PDE4B: variants seen among roughly 807,000 people sequenced by gnomAD.
PDE4B encodes the protein phosphodiesterase 4B.
Under a neutral mutation model 82.2 loss-of-function variants are expected in PDE4B, and 20 were observed. The observed-to-expected ratio is 0.24, with a 90% CI of 0.17 to 0.35. PDE4B has a LOEUF of 0.35. Ranked by LOEUF, PDE4B falls within the 10% of genes least tolerant of loss-of-function variation. The pLI is 1.00. For synonymous variants in PDE4B, 320 were observed against 318.9 expected, an observed-to-expected ratio of 1.00 and a Z score of -0.04; for missense variants, 655 against 907.2, an observed-to-expected ratio of 0.72 and a Z score of 3.57.
intron 4 of PDE4B, among the ~76,000 whole-genome samples, chr1:66,250,577 G>A (rs549132331): frequency 6.6e-6 from 1 of 152,314 alleles, no homozygotes; most frequent in Non-Finnish European, 1.5e-5. Flanking sequence ...TTATAGTGAA[G>A]TAAAGCAAGA....
At chr1:66,072,425 T>C (rs1302164455) in intron 3 of PDE4B, among the ~76,000 whole-genome samples, 1 of 152,168 alleles carries the variant, frequency 6.6e-6, no homozygotes, top group Non-Finnish European at 1.5e-5. Context: ...GATATTTCCT[T>C]ATAATTTCTC....
At chr1:66,037,742 T>A (rs181698075) in intron 3 of PDE4B, among the ~76,000 whole-genome samples, 97 of 152,296 alleles carry the variant, frequency 6.4e-4, no homozygotes, top group Middle Eastern at 3.4e-3. Flanking sequence ...AATATGATGT[T>A]AGGTGTGAAT....
intron 3 of PDE4B, among the ~76,000 whole-genome samples, chr1:66,091,543 T>G (rs1645025396): frequency 6.6e-6 from 1 of 152,108 alleles, no homozygotes; most frequent in African/African-American, 2.4e-5. Context: ...TGCCTGATCT[T>G]AATTTGATTT....
chr1:66,332,724 T>G, intron 8 of PDE4B, 104 bp downstream of exon 8: 1 of 848,870 alleles, frequency 1.2e-6, no homozygotes, highest in Non-Finnish European at 1.8e-6. Flanking sequence ...CTACCAACTC[T>G]AAGAATATGT....
intron 7 of PDE4B, among the ~76,000 whole-genome samples, chr1:66,276,873 A>C (rs752773399): frequency 6.6e-5 from 10 of 152,222 alleles, no homozygotes; most frequent in Non-Finnish European, 1.3e-4. Flanking sequence ...AATGGGAATA[A>C]TACTAGTACT....
chr1:66,247,397 T>G, intron 3 of PDE4B, 63 bp from the exon 4 acceptor site: 3 of 1,159,478 alleles, frequency 2.6e-6, no homozygotes, highest in Non-Finnish European at 3.7e-6. Context: ...TGGTTCTCAG[T>G]GTATACTATG....
intron 3 of PDE4B, among the ~76,000 whole-genome samples, chr1:66,057,032 C>T (rs1003706676): frequency 5.3e-5 from 8 of 152,046 alleles, no homozygotes; most frequent in South Asian, 2.1e-4. Flanking sequence ...AATATATTTT[C>T]GTTGTTTTGA....
chr1:65,904,694 A>G (rs1388673626), intron 1 of PDE4B, among the ~76,000 whole-genome samples: 1 of 152,058 alleles, frequency 6.6e-6, no homozygotes, highest in African/African-American at 2.4e-5. Context: ...AGCAGACGTA[A>G]TGGTTAATTT....
chr1:65,953,885 A>C (rs1649126256), intron 3 of PDE4B, among the ~76,000 whole-genome samples: 1 of 151,992 alleles, frequency 6.6e-6, no homozygotes, highest in Non-Finnish European at 1.5e-5. Context: ...GAATAAAATA[A>C]AGATACAATT....
intron 3 of PDE4B, among the ~76,000 whole-genome samples, chr1:66,114,181 G>C (rs890886380): frequency 6.6e-6 from 1 of 152,136 alleles, no homozygotes; most frequent in Non-Finnish European, 1.5e-5. Context: ...CTATGAACCA[G>C]AAAGCAGGCC....
intron 3 of PDE4B, among the ~76,000 whole-genome samples, chr1:66,001,370 G>A (rs1296066607): frequency 1.3e-5 from 2 of 152,112 alleles, no homozygotes; most frequent in Non-Finnish European, 2.9e-5. Context: ...AGCACATTTC[G>A]ATGGAGAGCA....
intron 3 of PDE4B, among the ~76,000 whole-genome samples, chr1:65,995,561 G>T (rs766187193): frequency 6.6e-5 from 10 of 152,082 alleles, no homozygotes; most frequent in Non-Finnish European, 1.2e-4. Flanking sequence ...CTGTCTCTAA[G>T]ACTCGTGAGA....
Position 66,105,256 on chromosome 1 carries a change from G to A in PDE4B, c.282-142204G>A, listed in dbSNP as rs189971495. On this transcript the variant is annotated intron_variant, in intron 3 of 16. Coordinates refer to ENST00000341517, the MANE Select transcript of PDE4B (RefSeq NM_002600.4). ...TCAAAGATCAGATAGTTGTAGATATGTGGCATCATTTCTGAGGGCTCTGTT... is the reference window on the plus strand; with the variant it reads ...TCAAAGATCAGATAGTTGTAGATATATGGCATCATTTCTGAGGGCTCTGTT... Among the ~76,000 whole-genome samples the A allele has an allele frequency of 9.5e-5, 14 of 148,016 alleles. No homozygotes were observed. The East Asian group carries it at 2.4e-3, about 25-fold the overall frequency.
At chr1:65,970,662 A>G (rs868161628) in intron 3 of PDE4B, among the ~76,000 whole-genome samples, 2 of 152,174 alleles carry the variant, frequency 1.3e-5, no homozygotes, top group Non-Finnish European at 2.9e-5. Context: ...ACTGAGCACA[A>G]TGGAAATACC....
chr1:66,323,007 A>G (rs925220155), intron 7 of PDE4B, among the ~76,000 whole-genome samples: 10 of 152,050 alleles, frequency 6.6e-5, no homozygotes, highest in African/African-American at 2.4e-4. Flanking sequence ...AGCTAACCTC[A>G]TATTTCTAGT....
intron 1 of PDE4B, among the ~76,000 whole-genome samples, chr1:65,798,383 C>A: frequency 1.1e-5 from 1 of 87,638 alleles, no homozygotes; most frequent in Non-Finnish European, 1.9e-5. Context: ...CTCAGCCTCC[C>A]GAGTAGCTGG....
chr1:66,242,043 AAGG>A (rs1339816659), intron 3 of PDE4B, among the ~76,000 whole-genome samples: 1 of 152,158 alleles, frequency 6.6e-6, no homozygotes, highest in Admixed American at 6.5e-5. Context: ...TTCCTGCTTC[AAGG>A]AGGTCACCAT....
intron 1 of PDE4B, among the ~76,000 whole-genome samples, chr1:65,885,179 T>C (rs1344469119): frequency 2.6e-5 from 4 of 152,114 alleles, no homozygotes; most frequent in Non-Finnish European, 5.9e-5. Context: ...TCACACCAGT[T>C]AGAATGGTGA....
intron 1 of PDE4B, among the ~76,000 whole-genome samples, chr1:65,853,205 T>A (rs1036767095): frequency 6.6e-6 from 1 of 152,110 alleles, no homozygotes; most frequent in African/African-American, 2.4e-5. Context: ...AGTATTCTTA[T>A]GATTACAATT....
Sources: allele counts gnomAD v4.1 joint callset (sites outside exome capture counted in the v4.1 genomes callset), GRCh38; gene constraint gnomAD v4.1.1; transcripts MANE v1.5; gene names NCBI Gene and HGNC (gene_info 2026-07-23, HGNC 2026-07-21).